The following FLAD1 variants were observed in gnomAD, a reference collection of about 807,000 sequenced individuals.
The protein encoded by FLAD1 is bifunctional FAD diphosphatase/FAD synthase.
FLAD1 carries 35 observed loss-of-function variants against 55.0 expected under a neutral mutation model. The observed-to-expected ratio is 0.64, with a 90% CI of 0.49 to 0.84. The LOEUF (loss-of-function observed/expected upper bound fraction) is 0.84, where lower values mean the gene tolerates loss of function less well. FLAD1 is among the 40% of genes least tolerant of loss of function. The pLI is 0.00. For synonymous variants in FLAD1, 267 were observed against 303.0 expected (o/e 0.88, Z 1.23); for missense variants, 665 against 742.6 (o/e 0.90, Z 1.21).
At position 154,992,726 on chromosome 1, in the gene FLAD1, G is replaced by C; in HGVS notation, c.1568G>C (p.Arg523Thr). 1 of 1,614,184 alleles carries C rather than the reference G, an allele frequency of 6.2e-7. No homozygotes were observed. Among genetic ancestry groups the C allele is most frequent in the Non-Finnish European group, 8.5e-7 (1 of 1,180,036 alleles). Residue 523 changes from arginine to threonine, a missense_variant, in exon 6 of 7, where the codon AGA becomes ACA. Coordinates refer to ENST00000292180, the MANE Select transcript of FLAD1 (RefSeq NM_025207.5). ...RINPLLDWTY[R>T]DIWDFLRQLF... Reference sequence around the variant, plus strand: ...CTGACCTCCCAGGACTGGACCTACAGAGACATCTGGGATTTTCTGCGTCAG... The same window carrying C: ...CTGACCTCCCAGGACTGGACCTACACAGACATCTGGGATTTTCTGCGTCAG...
At position 154,992,955 on chromosome 1, in the gene FLAD1, G is replaced by T. The variant is rs145193455; in HGVS notation, c.1682G>T (p.Cys561Phe). The T allele has an allele frequency of 1.2e-6, 2 of 1,613,910 alleles. No individual in the cohort carries two copies. Among genetic ancestry groups the T allele is most frequent in the Non-Finnish European group, 8.5e-7 (1 of 1,180,008 alleles). The change falls in exon 7 of 7, where the codon TGC becomes TTC. Residue 561 changes from cysteine to phenylalanine, a missense_variant. By Grantham distance (205) the Cys-to-Phe change is radical. Transcript: ENST00000292180. ...ENTVRNPALKCLSPGGHPTYR... is the reference protein window; with the variant it reads ...ENTVRNPALKFLSPGGHPTYR... ...ACCGTGCGGAACCCGGCCCTGAAGT[G>T]CCTGAGCCCAGGAGGACACCCCACA...
chr1:154,992,501 G>A (rs549087863), intron 5 of FLAD1: 2 of 1,473,886 alleles, frequency 1.4e-6, no homozygotes, highest in Non-Finnish European at 1.9e-6. Context: ...CTAGAGGGTG[G>A]TTCAAGAATG....
chr1:154,992,809 A>T (rs1657939264), intron 6 of FLAD1, 23 bp downstream of exon 6: 1 of 1,613,978 alleles, frequency 6.2e-7, no homozygotes, highest in South Asian at 1.1e-5. Context: ...GGGGAAGGGA[A>T]TGGGTAAGGG....
Position 154,990,492 on chromosome 1 carries a change from A to G in FLAD1, c.1518A>G (p.Pro506=), listed in dbSNP as rs369428195. 61 of 1,611,970 alleles carry G rather than the reference A, an allele frequency of 3.8e-5. No homozygotes were observed. The African/African-American group carries it at 7.6e-4, about 20-fold the overall frequency. Residue 506 remains proline, a synonymous_variant, in exon 5 of 7, where the codon CCA becomes CCG. Coordinates refer to ENST00000292180, the MANE Select transcript of FLAD1 (RefSeq NM_025207.5). ...CSLCPFSPTD[P]GWPAFMRINP... ...TCTGCCCTTTCAGCCCCACTGACCC[A>G]GGCTGGCCCGCATTCATGCGCATCA...
At position 154,990,232 on chromosome 1, in the gene FLAD1, C is replaced by G; in HGVS notation, c.1339C>G (p.Gln447Glu). ...CATCTCCCCTTTCCCTGAGCTGGAA[C>G]AGTTTCTACAGGACACTATCAAGAG... The part of the protein sequence containing the change: ...RSISPFPELE[Q>E]FLQDTIKRYN... The change falls in exon 4 of 7, where the codon CAG (glutamine) becomes GAG (glutamate). Residue 447 changes from glutamine to glutamate, a missense_variant. Transcript: ENST00000292180. 1 of 1,614,150 alleles carries G rather than the reference C, an allele frequency of 6.2e-7. No individual in the cohort carries two copies. Among genetic ancestry groups the G allele is most frequent in the Non-Finnish European group, 8.5e-7 (1 of 1,179,994 alleles).
Position 154,983,779 on chromosome 1 carries a change from G to T in FLAD1, c.85G>T (p.Val29Phe), listed in dbSNP as rs774149342. ...LSRIWLEKTR[V>F]FLEGSTRTPA... ...AAGGATCTGGTTAGAGAAGACTAGG[G>T]TCTTCCTCGAAGGAAGCACGCGCAC... is the stretch of plus-strand genomic sequence containing the variant. Residue 29 changes from valine to phenylalanine, a missense_variant, in exon 1 of 7, where the codon GTC becomes TTC. Coordinates refer to ENST00000292180, the MANE Select transcript of FLAD1 (RefSeq NM_025207.5). 1.2e-6 allele frequency: 2 copies of T among 1,614,186 alleles called. No homozygotes were observed. Among genetic ancestry groups the T allele is most frequent in the Admixed American group, 1.7e-5 (1 of 60,024 alleles).
At chr1:154,986,695 C>T (rs1657625030) in intron 1 of FLAD1, among the ~76,000 whole-genome samples, 1 of 115,118 alleles carries the variant, frequency 8.7e-6, no homozygotes, top group Non-Finnish European at 1.8e-5. Flanking sequence ...CCTTGCCCAG[C>T]CCCCCACCCT....
intron 1 of FLAD1, 74 bp downstream of exon 1, chr1:154,984,140 T>C (rs373074756): frequency 7.6e-7 from 1 of 1,318,606 alleles, no homozygotes; most frequent in African/African-American, 1.5e-5. Context: ...CATCCCTCCA[T>C]GGAAGGAGGT....
intron 5 of FLAD1, among the ~76,000 whole-genome samples, chr1:154,991,837 A>G (rs867208662): frequency 1.2e-4 from 18 of 147,922 alleles, no homozygotes; most frequent in Middle Eastern, 3.5e-3. Flanking sequence ...GGGCAACAGT[A>G]AAGGCCCTGT....
intron 2 of FLAD1, 34 bp from the exon 3 acceptor site, chr1:154,989,526 C>T: frequency 6.6e-7 from 1 of 1,518,042 alleles, no homozygotes; most frequent in South Asian, 1.3e-5. Flanking sequence ...CCATATGTGT[C>T]CATCTGATGC....
At chr1:154,992,402 C>G (rs1485782484) in intron 5 of FLAD1, among the ~76,000 whole-genome samples, 5 of 151,960 alleles carry the variant, frequency 3.3e-5, no homozygotes, top group Non-Finnish European at 7.4e-5. Flanking sequence ...AAGACCACGC[C>G]ACTGCACTCC....
Position 154,992,898 on chromosome 1 carries a change from C to G in FLAD1, c.1629-4C>G. The G allele has an allele frequency of 6.2e-7, 1 of 1,614,052 alleles. No homozygotes were observed. The stretch of plus-strand genomic sequence containing the variant: ...ATGCTTGCCCTCCACCCTCCCTGCT[C>G]CAGATACACATCACTGGGGAGTCGG... On this transcript the variant is annotated splice_region_variant and splice_polypyrimidine_tract_variant and intron_variant, in intron 6 of 6. Transcript: ENST00000292180.
rs1490161867 is a variant in FLAD1 at position 154,989,675 on chromosome 1, C to T, written c.1233C>T (p.Ala411=). 4 of 1,572,776 alleles carry T rather than the reference C, an allele frequency of 2.5e-6. No individual in the cohort carries two copies. Among genetic ancestry groups the T allele is most frequent in the Middle Eastern group, 1.7e-4 (1 of 5,914 alleles). Reference sequence around the variant, plus strand: ...TCAACGGGGGCAAAGACTGCACTGCCCTCCTGCACCTCTTCCATGCAGCTG... The same window carrying T: ...TCAACGGGGGCAAAGACTGCACTGCTCTCCTGCACCTCTTCCATGCAGCTG... ...VGFNGGKDCT[A]LLHLFHAAVQ... is the part of the protein sequence containing the mutation. The change falls in exon 3 of 7, where the codon GCC becomes GCT. Residue 411 remains alanine (A), a synonymous_variant. Coordinates refer to ENST00000292180, the MANE Select transcript of FLAD1 (RefSeq NM_025207.5).
intron 1 of FLAD1, chr1:154,987,404 G>GC (rs1657664507): frequency 3.9e-5 from 6 of 153,396 alleles, no homozygotes; most frequent in Admixed American, 3.9e-4. Flanking sequence ...AGAAGATAGG[G>GC]TATACGCCAC....
chr1:154,989,412 G>A, intron 2 of FLAD1, 148 bp from the exon 3 acceptor site: 1 of 763,218 alleles, frequency 1.3e-6, no homozygotes, highest in Non-Finnish European at 2.0e-6. Flanking sequence ...CAGACTGCAG[G>A]GCCTAGCGGG....
intron 5 of FLAD1, among the ~76,000 whole-genome samples, chr1:154,991,593 GCC>G (rs1558077207): frequency 6.6e-6 from 1 of 151,972 alleles, no homozygotes; most frequent in African/African-American, 2.4e-5. Flanking sequence ...AGTTGTACTA[GCC>G]ACATTTCAAA....
At position 154,988,670 on chromosome 1, in the gene FLAD1, A is replaced by G; in HGVS notation, c.938A>G (p.Tyr313Cys). 1 of 1,614,170 alleles carries G rather than the reference A, an allele frequency of 6.2e-7. No homozygotes were observed. The highest frequency in any genetic ancestry group is 8.5e-7 in the Non-Finnish European group (1 of 1,180,034). ...HFGRRLGLGS[Y>C]PDWGSNYYQV... ...GGACGTAGGCTTGGCCTGGGTTCCT[A>G]CCCTGACTGGGGCAGCAACTACTAT... The change falls in exon 2 of 7, where the codon TAC (tyrosine) becomes TGC (cysteine). Residue 313 changes from tyrosine to cysteine, a missense_variant. Physicochemically the swap from Tyr to Cys is radical, Grantham distance 194. Coordinates refer to ENST00000292180, the MANE Select transcript of FLAD1 (RefSeq NM_025207.5).
chr1:154,988,971 G>A (rs771098312), intron 2 of FLAD1, 122 bp downstream of exon 2: 182 of 1,513,656 alleles, frequency 1.2e-4, no homozygotes, highest in Non-Finnish European at 1.6e-4. Flanking sequence ...GATAGCTTCT[G>A]TTAATTCATT....
At chr1:154,985,508 T>C (rs1657543846) in intron 1 of FLAD1, among the ~76,000 whole-genome samples, 1 of 151,336 alleles carries the variant, frequency 6.6e-6, no homozygotes, top group Non-Finnish European at 1.5e-5. Context: ...GTTCAAGCAA[T>C]TCTCCTGTCT....
Sources: gnomAD v4.1 joint callset for allele counts (sites outside exome capture counted in the v4.1 genomes callset) on GRCh38, gnomAD v4.1.1 for gene constraint, MANE v1.5 for transcripts, NCBI Gene and HGNC (gene_info 2026-07-23, HGNC 2026-07-21) for gene names.